Variants in CNTNAP5 observed in about 807,000 individuals in gnomAD.
CNTNAP5 encodes contactin associated protein family member 5.
In CNTNAP5, 72 loss-of-function variants were observed where a neutral mutation model predicts 150.2. That is an observed-to-expected ratio of 0.48 (90% confidence interval 0.40 to 0.58). CNTNAP5 has a LOEUF of 0.58. Ranked by LOEUF, CNTNAP5 falls within the 20% of genes least tolerant of loss-of-function variation. The probability of loss-of-function intolerance (pLI) is 0.00; values close to 1 mark genes in which losing one functional copy is unlikely to be tolerated. For missense variants in CNTNAP5, 1,636 were observed against 1,626.2 expected (o/e 1.01, Z -0.10); for synonymous variants, 672 against 619.8 (o/e 1.08, Z -1.25).
chr2:124,734,739 G>C (rs569016237), intron 13 of CNTNAP5, among the ~76,000 whole-genome samples: 1 of 151,790 alleles, frequency 6.6e-6, no homozygotes, highest in Non-Finnish European at 1.5e-5. Context: ...CCTTTCTTTA[G>C]ATGGATCTGC....
chr2:124,350,862 A>C (rs1689860883), intron 3 of CNTNAP5, among the ~76,000 whole-genome samples: 2 of 152,204 alleles, frequency 1.3e-5, no homozygotes, highest in African/African-American at 4.8e-5. Flanking sequence ...CCTCTCTTTA[A>C]AGCCTTTTTT....
intron 14 of CNTNAP5, among the ~76,000 whole-genome samples, chr2:124,762,774 C>T (rs1680985399): frequency 6.6e-6 from 1 of 152,094 alleles, no homozygotes; most frequent in African/African-American, 2.4e-5. Context: ...GGCATTGTCC[C>T]TGTCTCTTCT....
intron 3 of CNTNAP5, among the ~76,000 whole-genome samples, chr2:124,389,731 C>T (rs1351982510): frequency 1.3e-5 from 2 of 152,014 alleles, no homozygotes; most frequent in African/African-American, 4.8e-5. Context: ...CTTAGGGAGG[C>T]TTAGTGGGAG....
intron 12 of CNTNAP5, among the ~76,000 whole-genome samples, chr2:124,642,449 G>A (rs1025040235): frequency 6.6e-5 from 10 of 152,124 alleles, no homozygotes; most frequent in Non-Finnish European, 1.0e-4. Flanking sequence ...TTCACTTGAC[G>A]AAGCCATCCA....
At chr2:124,117,626 T>TA (rs1195022025) in intron 1 of CNTNAP5, among the ~76,000 whole-genome samples, 5 of 152,200 alleles carry the variant, frequency 3.3e-5, no homozygotes, top group East Asian at 1.9e-4. Flanking sequence ...TAGTACTCAG[T>TA]AAAAAAAGCC....
In CNTNAP5 at chr2:124,713,215, CTCTG is replaced by C. The variant is rs1558746450; in HGVS notation, c.2078-34012_2078-34009del. ...CCTTCCTCCCTCCCTTCCTTTCTTT[CTCTG>C]TTTCTTTCTTTCTTTCTTTCTTTCT... is the stretch of plus-strand genomic sequence containing the variant. On this transcript the variant is annotated intron_variant, in intron 13 of 23. Coordinates refer to ENST00000682447, the MANE Select transcript of CNTNAP5 (RefSeq NM_001367498.1). Among the ~76,000 whole-genome samples, 25 of 118,720 alleles carry C rather than the reference CTCTG, an allele frequency of 2.1e-4. 4 individuals carry two copies. The highest frequency in any genetic ancestry group is 7.6e-4 in the African/African-American group (24 of 31,706). 77.9% of individuals were successfully genotyped at this position (118,720 alleles called of 152,430 possible).
intron 8 of CNTNAP5, among the ~76,000 whole-genome samples, chr2:124,506,225 T>A (rs79716214): frequency 0.035 from 5,281 of 151,220 alleles, 205 homozygotes; most frequent in Admixed American, 0.089. Context: ...GTTTCTATGT[T>A]GTTTATCAGA....
At chr2:124,635,834 AG>A (rs1301733354) in intron 12 of CNTNAP5, among the ~76,000 whole-genome samples, 5 of 152,192 alleles carry the variant, frequency 3.3e-5, no homozygotes, top group African/African-American at 1.2e-4. Context: ...CCTCCTGAGC[AG>A]GCTCACGTCA....
chr2:124,719,356 G>GA (rs1263778127), intron 13 of CNTNAP5, among the ~76,000 whole-genome samples: 9 of 152,114 alleles, frequency 5.9e-5, no homozygotes, highest in African/African-American at 2.2e-4. Context: ...TTCTGTGGCT[G>GA]ACATACTGTT....
intron 14 of CNTNAP5, among the ~76,000 whole-genome samples, chr2:124,751,452 C>T (rs890591337): frequency 1.1e-4 from 16 of 152,158 alleles, no homozygotes; most frequent in African/African-American, 3.9e-4. Flanking sequence ...AATAAGTATT[C>T]ACACATGACA....
chr2:124,265,170 T>A (rs1687572473), intron 3 of CNTNAP5, among the ~76,000 whole-genome samples: 1 of 152,160 alleles, frequency 6.6e-6, no homozygotes, highest in South Asian at 2.1e-4. Flanking sequence ...CACTGTCACT[T>A]CCCCACCTAG....
intron 5 of CNTNAP5, among the ~76,000 whole-genome samples, chr2:124,445,734 A>G (rs1692797413): frequency 6.6e-6 from 1 of 152,176 alleles, no homozygotes; most frequent in Admixed American, 6.5e-5. Flanking sequence ...TGGAGAAAAC[A>G]CTTCCCAAGA....
intron 1 of CNTNAP5, among the ~76,000 whole-genome samples, chr2:124,032,841 G>A (rs1681095464): frequency 6.6e-6 from 1 of 152,178 alleles, no homozygotes; most frequent in Admixed American, 6.5e-5. Flanking sequence ...ATATTTGCAT[G>A]ACATTGTATA....
chr2:124,537,518 A>G (rs532707799), intron 10 of CNTNAP5, among the ~76,000 whole-genome samples: 1 of 152,160 alleles, frequency 6.6e-6, no homozygotes, highest in South Asian at 2.1e-4. Context: ...TAATTCTTTG[A>G]GCTGACTGGG....
At position 124,478,113 on chromosome 2, in the gene CNTNAP5, A is replaced by G. The variant is rs556160003; in HGVS notation, c.1062+3231A>G. On this transcript the variant is annotated intron_variant, in intron 7 of 23. Transcript: ENST00000682447. ...GATAGATTGGAGTTACTGAATAAGC[A>G]GAGCAAAAAAAAGGAAGATAAAAAG... Among the ~76,000 whole-genome samples, 4 of 152,220 alleles carry G rather than the reference A, an allele frequency of 2.6e-5. No individual in the cohort carries two copies. The South Asian group carries it at 8.3e-4, about 32-fold the overall frequency.
chr2:124,251,620 G>A (rs1356061711), intron 3 of CNTNAP5, among the ~76,000 whole-genome samples: 1 of 152,040 alleles, frequency 6.6e-6, no homozygotes, highest in Non-Finnish European at 1.5e-5. Flanking sequence ...AAATTAAGGA[G>A]GATTCAAGAG....
chr2:124,636,118 T>C (rs1162011012), intron 12 of CNTNAP5, among the ~76,000 whole-genome samples: 3 of 152,216 alleles, frequency 2.0e-5, no homozygotes, highest in Non-Finnish European at 2.9e-5. Flanking sequence ...GAAAAACATC[T>C]ACCAAGTTAG....
At chr2:124,521,151 A>C (rs139690778) in intron 8 of CNTNAP5, among the ~76,000 whole-genome samples, 3 of 152,270 alleles carry the variant, frequency 2.0e-5, no homozygotes, top group African/African-American at 4.8e-5. Context: ...AACAGAATCC[A>C]AGGGACCTTT....
rs746237108 is a variant in CNTNAP5, at chr2:124,588,177, CTTCTTTCTTTCT to C, written c.1757-21574_1757-21563del. Among the ~76,000 whole-genome samples, 624 of 110,780 alleles carry C rather than the reference CTTCTTTCTTTCT, an allele frequency of 5.6e-3. 2 individuals are homozygous for C. The highest frequency in any genetic ancestry group is 8.4e-3 in the Non-Finnish European group (423 of 50,100). The allele number at this position is 110,780 out of a possible 152,430, so 72.7% of individuals were successfully genotyped here. ...TTCCTTTTCCTTCCTTCCTTCCTTC[CTTCTTTCTTTCT>C]TTCTTTCTTTCTTTCTTTCTTTCTT... On this transcript the variant is annotated intron_variant, in intron 11 of 23. Transcript: ENST00000682447.
Sources: allele counts gnomAD v4.1 joint callset (sites outside exome capture counted in the v4.1 genomes callset), GRCh38; gene constraint gnomAD v4.1.1; transcripts MANE v1.5; gene names NCBI Gene and HGNC (gene_info 2026-07-23, HGNC 2026-07-21).